The following VRK3 variants were observed in gnomAD, a reference collection of about 807,000 sequenced individuals.
The protein encoded by VRK3 is serine/threonine-protein kinase VRK3.
In VRK3, 50 loss-of-function variants were observed where a neutral mutation model predicts 60.4. The ratio of observed to expected loss-of-function variants is 0.83; its 90% CI spans 0.66 to 1.05. VRK3 has a LOEUF of 1.05. VRK3 is among the 50% of genes least tolerant of loss of function. VRK3 has a pLI of 0.00. For synonymous variants in VRK3, 246 were observed against 227.8 expected (o/e 1.08, Z -0.72); for missense variants, 549 against 585.3 (o/e 0.94, Z 0.64).
At chr19:49,982,668 G>C (rs2076443437) in intron 12 of VRK3, among the ~76,000 whole-genome samples, 1 of 152,184 alleles carries the variant, frequency 6.6e-6, no homozygotes, top group East Asian at 1.9e-4. Flanking sequence ...AGCAAGAATT[G>C]ATTTGGGGTT....
intron 1 of VRK3, among the ~76,000 whole-genome samples, chr19:50,021,280 G>C (rs1239750300): frequency 6.6e-6 from 1 of 152,182 alleles, no homozygotes; most frequent in Non-Finnish European, 1.5e-5. Context: ...CCTCCTCCCA[G>C]GAGTCAGGGT....
intron 2 of VRK3, among the ~76,000 whole-genome samples, chr19:50,017,306 G>A (rs1310477850): frequency 2.0e-5 from 3 of 152,072 alleles, no homozygotes; most frequent in African/African-American, 7.2e-5. Flanking sequence ...CGGGCACGGT[G>A]GCTCGTGCCT....
At chr19:50,006,852 G>A (rs1216679799) in intron 5 of VRK3, among the ~76,000 whole-genome samples, 1 of 152,170 alleles carries the variant, frequency 6.6e-6, no homozygotes, top group Non-Finnish European at 1.5e-5. Flanking sequence ...CATTGTAACA[G>A]AGTCTGAGCT....
intron 5 of VRK3, among the ~76,000 whole-genome samples, chr19:50,007,140 T>A (rs182763723): frequency 2.6e-5 from 4 of 152,244 alleles, no homozygotes; most frequent in Admixed American, 2.6e-4. Flanking sequence ...ACCTCTCACA[T>A]CCTCTTGGTG....
chr19:49,995,414 G>C lies in VRK3; in HGVS notation c.680-139C>G, dbSNP rs2076685241. ...GTTGGAGGTGACAACATTGTGGGTG[G>C]GTGATGGTGGGAAGGGGCTGGTGAC... is the stretch of plus-strand genomic sequence containing the variant. On this transcript the variant is annotated intron_variant, in intron 7 of 14. Transcript: ENST00000316763. 7.1e-6 allele frequency: 5 copies of C among 702,336 alleles called. No homozygotes were observed. The South Asian group carries it at 8.6e-5, about 12-fold the overall frequency. The allele number at this position is 702,336 out of a possible 1,614,324, so 43.5% of individuals were successfully genotyped here.
intron 3 of VRK3, among the ~76,000 whole-genome samples, chr19:50,013,997 T>TG (rs370106011): frequency 6.6e-6 from 1 of 152,312 alleles, no homozygotes; most frequent in Non-Finnish European, 1.5e-5. Context: ...CTGGGCGCAG[T>TG]GGCTCATGAC....
In VRK3 at chr19:49,989,692, C is replaced by T. The variant is rs777203047; in HGVS notation, c.1043G>A (p.Ser348Asn). The change falls in exon 11 of 15, where the codon AGC becomes AAC. Residue 348 changes from serine (S) to asparagine (N), a missense_variant. Ser to Asn is a conservative substitution (Grantham distance 46). Coordinates refer to ENST00000316763, the MANE Select transcript of VRK3 (RefSeq NM_016440.4). ...KHVAYVEGSR[S>N]PHEGDLEFIS... ...GAACTCAAGGTCCCCCTCGTGAGGG[C>T]TCCTGCTGCCTTCCACGTAGGCCAC... 11 of 1,613,872 alleles carry T rather than the reference C, an allele frequency of 6.8e-6. No individual in the cohort carries two copies. In the South Asian group the frequency reaches 8.8e-5, roughly 13 times the overall value.
At chr19:49,982,040 C>A (rs2076432839) in intron 12 of VRK3, 2 of 672,382 alleles carry the variant, frequency 3.0e-6, no homozygotes, top group South Asian at 1.6e-5. Context: ...GGAGGTGGTC[C>A]CCCGGAGGCG....
chr19:50,000,705 AG>A, intron 6 of VRK3, 84 bp downstream of exon 6: 1 of 1,492,214 alleles, frequency 6.7e-7, no homozygotes, highest in African/African-American at 1.4e-5. Flanking sequence ...GAGCTCTCCC[AG>A]CTGACAGACG....
chr19:49,977,578 G>C (rs957990170), intron 14 of VRK3, among the ~76,000 whole-genome samples: 3 of 152,142 alleles, frequency 2.0e-5, no homozygotes, highest in African/African-American at 7.2e-5. Flanking sequence ...AAGCAGAGAT[G>C]ACAGAGTCAG....
Position 49,992,847 on chromosome 19 carries a change from A to T in VRK3, c.963+13T>A. On this transcript the variant is annotated intron_variant, in intron 10 of 14. Coordinates refer to ENST00000316763, the MANE Select transcript of VRK3 (RefSeq NM_016440.4). Reference sequence around the variant, plus strand: ...CCAGAGATCTTCCAGAGTGGGCAGGAGCTGGCTCTTACCTGACTCTGGTCC... The same window carrying T: ...CCAGAGATCTTCCAGAGTGGGCAGGTGCTGGCTCTTACCTGACTCTGGTCC... 6.2e-7 allele frequency: 1 copy of T among 1,613,712 alleles called. No individual in the cohort carries two copies.
At chr19:50,023,562 A>T (rs2122728837) in intron 1 of VRK3, among the ~76,000 whole-genome samples, 1 of 152,332 alleles carries the variant, frequency 6.6e-6, no homozygotes, top group East Asian at 1.9e-4. Context: ...ACTACCTGAC[A>T]TACTCTGACT....
intron 5 of VRK3, among the ~76,000 whole-genome samples, chr19:50,003,357 C>A (rs1309605347): frequency 6.6e-6 from 1 of 152,232 alleles, no homozygotes; most frequent in Non-Finnish European, 1.5e-5. Context: ...TAACTTGTTA[C>A]AGCGGCCACA....
intron 5 of VRK3, among the ~76,000 whole-genome samples, chr19:50,002,037 A>AT (rs1243422192): frequency 3.9e-5 from 6 of 152,098 alleles, no homozygotes; most frequent in Non-Finnish European, 7.4e-5. Flanking sequence ...AAATATCCCC[A>AT]TAACACCAGG....
chr19:50,010,142 CACATAT>C (rs1347710372), intron 3 of VRK3, among the ~76,000 whole-genome samples: 4 of 152,172 alleles, frequency 2.6e-5, no homozygotes, highest in Admixed American at 1.3e-4. Context: ...TATAGACACA[CACATAT>C]ACATATACAC....
chr19:49,978,904 C>T, intron 14 of VRK3, 179 bp downstream of exon 14: 1 of 524,680 alleles, frequency 1.9e-6, no homozygotes, highest in African/African-American at 2.0e-5. Context: ...GTTTCTGCTA[C>T]TTGCCATTCC....
At chr19:50,015,316 T>G (rs2077057778) in intron 3 of VRK3, among the ~76,000 whole-genome samples, 1 of 149,138 alleles carries the variant, frequency 6.7e-6, no homozygotes, top group African/African-American at 2.4e-5. Context: ...GATTTCAGAT[T>G]TTTTTTTTTT....
At chr19:49,998,016 T>C in intron 6 of VRK3, 1 of 153,658 alleles carries the variant, frequency 6.5e-6, no homozygotes, top group South Asian at 2.0e-4. Context: ...AAGCAGCCAC[T>C]ACGGCCCAGG....
chr19:50,021,493 T>C (rs1226905106), intron 1 of VRK3, among the ~76,000 whole-genome samples: 2 of 152,320 alleles, frequency 1.3e-5, no homozygotes, highest in East Asian at 1.9e-4. Flanking sequence ...AGAAACCACA[T>C]GGAGAGGCTC....
Sources: gnomAD v4.1 joint callset for allele counts (sites outside exome capture counted in the v4.1 genomes callset) on GRCh38, gnomAD v4.1.1 for gene constraint, MANE v1.5 for transcripts, NCBI Gene and HGNC (gene_info 2026-07-23, HGNC 2026-07-21) for gene names.